RIMS2: variants seen among roughly 807,000 people sequenced by gnomAD.
RIMS2 encodes regulating synaptic membrane exocytosis protein 2.
A neutral mutation model predicts 174.4 loss-of-function variants in RIMS2; 59 were observed. The ratio of observed to expected loss-of-function variants is 0.34; its 90% CI spans 0.27 to 0.42. The LOEUF (loss-of-function observed/expected upper bound fraction) is 0.42, where lower values mean the gene tolerates loss of function less well. Among genes scored for constraint, RIMS2 ranks in the 10% least tolerant of loss-of-function variants. RIMS2 has a pLI of 1.00. For synonymous variants in RIMS2, 606 were observed against 572.5 expected (o/e 1.06, Z -0.84); for missense variants, 1,620 against 1,666.3 (o/e 0.97, Z 0.48).
intron 1 of RIMS2, among the ~76,000 whole-genome samples, chr8:103,593,265 AT>A (rs1468945527): frequency 6.6e-6 from 1 of 151,398 alleles, no homozygotes; most frequent in Non-Finnish European, 1.5e-5. Context: ...ATTTTTGGAT[AT>A]TGTATGATGT....
chr8:103,516,213 C>T (rs968183801), intron 1 of RIMS2, among the ~76,000 whole-genome samples: 2 of 152,088 alleles, frequency 1.3e-5, no homozygotes, highest in African/African-American at 4.8e-5. Flanking sequence ...TTATTGGCCC[C>T]ATAGCTTTAT....
chr8:103,634,946 A>G (rs1021204845), intron 1 of RIMS2, among the ~76,000 whole-genome samples: 1 of 152,134 alleles, frequency 6.6e-6, no homozygotes, highest in African/African-American at 2.4e-5. Flanking sequence ...TGAAGACACC[A>G]TACCATTGGG....
intron 16 of RIMS2, among the ~76,000 whole-genome samples, chr8:103,983,365 A>C (rs72683120): frequency 0.13 from 19,320 of 152,242 alleles, 1,700 homozygotes; most frequent in Non-Finnish European, 0.19. Context: ...TCAGAATACC[A>C]ATGACATTCA....
chr8:103,617,160 G>A (rs535472727), intron 1 of RIMS2, among the ~76,000 whole-genome samples: 1 of 152,230 alleles, frequency 6.6e-6, no homozygotes, highest in Admixed American at 6.5e-5. Context: ...GTATGGATGT[G>A]AAAAGAGGCA....
chr8:103,858,603 C>G (rs929576027), intron 3 of RIMS2, among the ~76,000 whole-genome samples: 42 of 149,002 alleles, frequency 2.8e-4, no homozygotes, highest in African/African-American at 4.0e-4. Context: ...GTGTGTGTGT[C>G]TGTGTGTGTG....
At chr8:103,505,571 C>A (rs1823077791) in intron 1 of RIMS2, among the ~76,000 whole-genome samples, 1 of 151,840 alleles carries the variant, frequency 6.6e-6, no homozygotes, top group Non-Finnish European at 1.5e-5. Context: ...TGATAAATAT[C>A]TTCGTACATG....
chr8:104,099,667 TAG>T lies in RIMS2; in HGVS notation c.3334+85056_3334+85057del, dbSNP rs545202283. On this transcript the variant is annotated intron_variant, in intron 19 of 23. Transcript: ENST00000504942. ...AGGGGGAAAATTTCTGGGATTTTGA[TAG>T]AGATTGTGTTCAGTTAGATCAATTT... Among the ~76,000 whole-genome samples the T allele has an allele frequency of 7.9e-3, 1,206 of 152,266 alleles. 9 individuals are homozygous for T. The highest frequency in any genetic ancestry group is 0.013 in the Non-Finnish European group (861 of 68,000).
At chr8:103,948,545 A>G (rs992475085) in intron 14 of RIMS2, among the ~76,000 whole-genome samples, 1 of 152,204 alleles carries the variant, frequency 6.6e-6, no homozygotes, top group African/African-American at 2.4e-5. Context: ...CAAAAATATT[A>G]TGCTAAATGC....
chr8:104,054,761 T>A (rs2096841334), intron 19 of RIMS2, among the ~76,000 whole-genome samples: 1 of 152,150 alleles, frequency 6.6e-6, no homozygotes, highest in Admixed American at 6.5e-5. Flanking sequence ...TTTCTTTAAG[T>A]ATCAAAAATT....
intron 3 of RIMS2, among the ~76,000 whole-genome samples, chr8:103,824,106 A>C (rs1436487377): frequency 1.3e-5 from 2 of 152,094 alleles, no homozygotes; most frequent in Non-Finnish European, 2.9e-5. Flanking sequence ...TGTGGACCTT[A>C]GCAATATACT....
At chr8:103,933,185 C>G (rs1467612845) in intron 12 of RIMS2, among the ~76,000 whole-genome samples, 1 of 151,858 alleles carries the variant, frequency 6.6e-6, no homozygotes, top group African/African-American at 2.4e-5. Flanking sequence ...CCCAGCTACT[C>G]GGGAGGCTGA....
intron 19 of RIMS2, among the ~76,000 whole-genome samples, chr8:104,102,702 G>C (rs1311869031): frequency 6.6e-6 from 1 of 152,132 alleles, no homozygotes; most frequent in East Asian, 1.9e-4. Flanking sequence ...CACGGCAGCA[G>C]TCAAGAGACC....
intron 3 of RIMS2, among the ~76,000 whole-genome samples, chr8:103,788,239 A>G (rs1306095296): frequency 6.6e-6 from 1 of 150,778 alleles, no homozygotes; most frequent in Non-Finnish European, 1.5e-5. Flanking sequence ...GCTCAGAGTA[A>G]TTTGATCGTC....
At chr8:104,119,887 A>G (rs2098343939) in intron 19 of RIMS2, among the ~76,000 whole-genome samples, 1 of 152,238 alleles carries the variant, frequency 6.6e-6, no homozygotes, top group South Asian at 2.1e-4. Flanking sequence ...AAATGCATGT[A>G]TTAATAAAAG....
At chr8:103,516,342 A>G (rs1020088434) in intron 1 of RIMS2, among the ~76,000 whole-genome samples, 5 of 152,146 alleles carry the variant, frequency 3.3e-5, no homozygotes, top group African/African-American at 1.2e-4. Flanking sequence ...TACTTCAATA[A>G]CTAAAATTTC....
At chr8:103,731,198 A>T (rs191110621) in intron 2 of RIMS2, among the ~76,000 whole-genome samples, 7 of 152,192 alleles carry the variant, frequency 4.6e-5, no homozygotes, top group Non-Finnish European at 8.8e-5. Flanking sequence ...GGGTGGGGAC[A>T]CAGCCAAACC....
At chr8:103,587,324 G>A (rs1226939040) in intron 1 of RIMS2, among the ~76,000 whole-genome samples, 7 of 151,572 alleles carry the variant, frequency 4.6e-5, no homozygotes, top group African/African-American at 1.7e-4. Context: ...TTGAAAAATA[G>A]AGGAGGAAAG....
chr8:103,551,989 A>G (rs909259912), intron 1 of RIMS2, among the ~76,000 whole-genome samples: 6 of 152,172 alleles, frequency 3.9e-5, no homozygotes, highest in Non-Finnish European at 4.4e-5. Context: ...ATGCTCATGG[A>G]TAGGAAGAAT....
intron 3 of RIMS2, among the ~76,000 whole-genome samples, chr8:103,874,207 A>G (rs4446700): frequency 0.16 from 24,980 of 151,984 alleles, 2,181 homozygotes; most frequent in Middle Eastern, 0.26. Flanking sequence ...GAAACAATAA[A>G]TCTATGTCTC....
Sources: gnomAD v4.1 joint callset for allele counts (sites outside exome capture counted in the v4.1 genomes callset) on GRCh38, gnomAD v4.1.1 for gene constraint, MANE v1.5 for transcripts, NCBI Gene and HGNC (gene_info 2026-07-23, HGNC 2026-07-21) for gene names.